Variants in FARS2 observed in about 807,000 individuals in gnomAD.
FARS2 encodes phenylalanyl-tRNA synthetase 2, mitochondrial, also known as phenylalanine--tRNA ligase, mitochondrial.
A neutral mutation model predicts 46.4 loss-of-function variants in FARS2; 40 were observed. The ratio of observed to expected loss-of-function variants is 0.86; its 90% CI spans 0.67 to 1.12. The LOEUF (loss-of-function observed/expected upper bound fraction) is 1.12. Ranked by LOEUF, FARS2 falls within the 50% of genes most tolerant of loss-of-function variation. FARS2 has a pLI of 0.00. For missense variants in FARS2, 513 were observed against 567.9 expected (o/e 0.90, Z 0.98); for synonymous variants, 234 against 214.9 (o/e 1.09, Z -0.78).
At chr6:5,604,874 G>A (rs373643056) in intron 5 of FARS2, among the ~76,000 whole-genome samples, 9 of 151,996 alleles carry the variant, frequency 5.9e-5, no homozygotes, top group Non-Finnish European at 8.8e-5. Flanking sequence ...TCCTTATTCC[G>A]GTCATTGAAT....
intron 4 of FARS2, among the ~76,000 whole-genome samples, chr6:5,539,384 G>GTATATATATATATATATATATA (rs1554106819): frequency 0.01 from 817 of 79,414 alleles, 40 homozygotes; most frequent in African/African-American, 0.033. Flanking sequence ...TTTTTTTTGT[G>GTATATATATATATATATATATA]TATATATATA....
At chr6:5,533,987 G>C (rs1431989901) in intron 4 of FARS2, among the ~76,000 whole-genome samples, 1 of 152,178 alleles carries the variant, frequency 6.6e-6, no homozygotes, top group Non-Finnish European at 1.5e-5. Flanking sequence ...TAGAACCTTA[G>C]TTAACTATTT....
rs76815707 is a variant in FARS2, at chr6:5,638,874, C to T, written c.1217+25554C>T. Among the ~76,000 whole-genome samples the T allele has an allele frequency of 7.1e-3, 1,088 of 152,350 alleles. 16 individuals carry two copies. The highest frequency in any genetic ancestry group is 0.025 in the African/African-American group (1,028 of 41,588). ...AGCTCAGGCCACTCACAGCTGAATG[C>T]CTGGCACCCAGCCCTGGTGATGAGG... On this transcript the variant is annotated intron_variant, in intron 6 of 6. Transcript: ENST00000274680.
chr6:5,671,222 A>T (rs750882090), intron 6 of FARS2, among the ~76,000 whole-genome samples: 1 of 152,180 alleles, frequency 6.6e-6, no homozygotes, highest in African/African-American at 2.4e-5. Context: ...GCTGAGGAGG[A>T]GGAAGTTGCA....
At position 5,415,574 on chromosome 6, in the gene FARS2, C is replaced by T. The variant is rs572798353; in HGVS notation, c.772+10873C>T. Among the ~76,000 whole-genome samples the T allele has an allele frequency of 2.0e-5, 3 of 152,262 alleles. No homozygotes were observed. The South Asian group carries it at 6.2e-4, about 32-fold the overall frequency. The stretch of plus-strand genomic sequence containing the variant: ...TCAGGTGATTCACCCACCTCGGCCT[C>T]CCAAAGTGTTGGGATTACAGGCGTG... On this transcript the variant is annotated intron_variant, in intron 3 of 6. Coordinates refer to ENST00000274680, the MANE Select transcript of FARS2 (RefSeq NM_006567.5).
At chr6:5,693,112 C>G (rs1287115116) in intron 6 of FARS2, among the ~76,000 whole-genome samples, 3 of 152,184 alleles carry the variant, frequency 2.0e-5, no homozygotes, top group Non-Finnish European at 4.4e-5. Flanking sequence ...GGCATAGTAA[C>G]ATCCTGTTAG....
chr6:5,260,938 G>A (rs1765060260), upstream of FARS2: 2 of 1,345,332 alleles, frequency 1.5e-6, no homozygotes, highest in African/African-American at 3.1e-5. Context: ...GGGGGCGGGC[G>A]CAGGCAGGGC....
At chr6:5,652,307 T>C (rs1289881230) in intron 6 of FARS2, among the ~76,000 whole-genome samples, 2 of 152,136 alleles carry the variant, frequency 1.3e-5, no homozygotes, top group African/African-American at 4.8e-5. Flanking sequence ...TGTGGCAGGA[T>C]AGGGGATGGG....
At chr6:5,534,366 A>G (rs1261244082) in intron 4 of FARS2, among the ~76,000 whole-genome samples, 1 of 152,186 alleles carries the variant, frequency 6.6e-6, no homozygotes, top group African/African-American at 2.4e-5. Flanking sequence ...TGCAACCATC[A>G]CCACTATCTA....
chr6:5,763,148 C>T (rs1186501469), intron 6 of FARS2, among the ~76,000 whole-genome samples: 1 of 152,188 alleles, frequency 6.6e-6, no homozygotes, highest in Non-Finnish European at 1.5e-5. Flanking sequence ...AGCGTGCTTC[C>T]CTCCGGCTCC....
At chr6:5,256,491 GAA>G (rs1161084364), upstream of FARS2, among the ~76,000 whole-genome samples, 197 of 43,810 alleles carry the variant, frequency 4.5e-3, no homozygotes, top group Non-Finnish European at 5.3e-3. Context: ...ATTTCAACTG[GAA>G]AAAAAAAAAA....
At chr6:5,722,750 G>A (rs1759993844) in intron 6 of FARS2, among the ~76,000 whole-genome samples, 1 of 152,124 alleles carries the variant, frequency 6.6e-6, no homozygotes, top group Non-Finnish European at 1.5e-5. Flanking sequence ...GGGGTGTGAA[G>A]CAAGGTGAAA....
intron 6 of FARS2, among the ~76,000 whole-genome samples, chr6:5,658,120 G>A (rs1237204742): frequency 1.3e-5 from 2 of 152,148 alleles, no homozygotes; most frequent in African/African-American, 4.8e-5. Context: ...GCTGGGCGTG[G>A]TGGTGCATGT....
At chr6:5,498,779 G>A (rs183542527) in intron 4 of FARS2, among the ~76,000 whole-genome samples, 30 of 152,320 alleles carry the variant, frequency 2.0e-4, no homozygotes, top group African/African-American at 7.0e-4. Flanking sequence ...TGAAGAGAAG[G>A]TTAAGATATC....
At chr6:5,395,051 A>G (rs1439274173) in intron 2 of FARS2, among the ~76,000 whole-genome samples, 2 of 150,098 alleles carry the variant, frequency 1.3e-5, no homozygotes, top group African/African-American at 4.8e-5. Flanking sequence ...GACCGTCAAC[A>G]TTGTGCTGAT....
chr6:5,386,747 G>T (rs1372847697), intron 2 of FARS2, among the ~76,000 whole-genome samples: 2 of 152,202 alleles, frequency 1.3e-5, no homozygotes, highest in Admixed American at 6.5e-5. Context: ...CTCAGGAAGA[G>T]AAATGTGTTT....
chr6:5,391,477 G>GT (rs1760511416), intron 2 of FARS2, among the ~76,000 whole-genome samples: 1 of 152,184 alleles, frequency 6.6e-6, no homozygotes, highest in Admixed American at 6.5e-5. Flanking sequence ...ATAGGATCAT[G>GT]TTATCAGTCA....
intron 4 of FARS2, among the ~76,000 whole-genome samples, chr6:5,493,825 A>G (rs1191041173): frequency 1.3e-5 from 2 of 152,266 alleles, no homozygotes; most frequent in East Asian, 1.9e-4. Flanking sequence ...TACAGATGTA[A>G]TGACAGTTCA....
the FARS2 span, among the ~76,000 whole-genome samples, chr6:5,253,781 G>C: frequency 6.7e-6 from 1 of 149,620 alleles, no homozygotes; most frequent in African/African-American, 2.5e-5. Flanking sequence ...CGTTCGATCT[G>C]AAGCAAAATG....
Sources: gnomAD v4.1 joint callset for allele counts (sites outside exome capture counted in the v4.1 genomes callset) on GRCh38, gnomAD v4.1.1 for gene constraint, MANE v1.5 for transcripts, NCBI Gene and HGNC (gene_info 2026-07-23, HGNC 2026-07-21) for gene names.